The following PTP4A1 variants were observed in gnomAD, a reference collection of about 807,000 sequenced individuals.
The protein encoded by PTP4A1 is protein tyrosine phosphatase type IVA 1.
PTP4A1 carries 9 observed loss-of-function variants against 20.5 expected under a neutral mutation model. The ratio of observed to expected loss-of-function variants is 0.44; its 90% CI spans 0.26 to 0.77. PTP4A1 has a LOEUF of 0.77. Among genes scored for constraint, PTP4A1 ranks in the 30% least tolerant of loss-of-function variants. The pLI is 0.19. For missense variants in PTP4A1, 137 were observed against 218.8 expected (o/e 0.63, Z 2.36); for synonymous variants, 78 against 67.4 (o/e 1.16, Z -0.77).
At chr6:63,523,968 G>A (rs1454132533) in intron 1 of PTP4A1, among the ~76,000 whole-genome samples, 1 of 151,980 alleles carries the variant, frequency 6.6e-6, no homozygotes, top group Non-Finnish European at 1.5e-5. Flanking sequence ...ATATTAAAAA[G>A]GTAGAATTGT....
intron 2 of PTP4A1, among the ~76,000 whole-genome samples, chr6:63,544,063 G>A (rs1235883390): frequency 1.3e-5 from 2 of 152,058 alleles, no homozygotes; most frequent in Admixed American, 1.3e-4. Context: ...TTCATGTAGA[G>A]GAGTTTCCTT....
At chr6:63,528,505 G>T (rs531404269) in intron 2 of PTP4A1, among the ~76,000 whole-genome samples, 118 of 151,914 alleles carry the variant, frequency 7.8e-4, no homozygotes, top group African/African-American at 2.2e-3. Context: ...TGGACAGATC[G>T]CCTGAGCCCA....
chr6:63,525,241 T>TA (rs1775107973), intron 1 of PTP4A1, among the ~76,000 whole-genome samples: 1 of 152,182 alleles, frequency 6.6e-6, no homozygotes, highest in Non-Finnish European at 1.5e-5. Flanking sequence ...TAGTTATTAG[T>TA]ACTCTTTCAG....
intron 2 of PTP4A1, among the ~76,000 whole-genome samples, chr6:63,541,040 AG>A (rs1775950032): frequency 2.0e-5 from 3 of 151,084 alleles, no homozygotes; most frequent in Non-Finnish European, 4.4e-5. Context: ...GAAGGAAGGA[AG>A]GAAGGAAGGA....
chr6:63,524,732 C>A (rs1054618098), intron 1 of PTP4A1, among the ~76,000 whole-genome samples: 1 of 152,094 alleles, frequency 6.6e-6, no homozygotes, highest in African/African-American at 2.4e-5. Flanking sequence ...AAAAAACATA[C>A]AAGTTCATGT....
chr6:63,580,301 A>C lies in PTP4A1; in HGVS notation c.*127A>C. The stretch of plus-strand genomic sequence containing the variant: ...CATAGGAGTATTGAAAGGCAGTTTT[A>C]CCAGGCCTCAAGCTAGACAGATTTG... On this transcript the variant is annotated 3_prime_UTR_variant, in exon 6 of 6. Transcript: ENST00000626021. 1.3e-6 allele frequency: 1 copy of C among 756,428 alleles called. No homozygotes were observed. Among genetic ancestry groups the C allele is most frequent in the East Asian group, 2.5e-5 (1 of 40,300 alleles). 46.9% of individuals were successfully genotyped at this position (756,428 alleles called of 1,614,324 possible).
intron 1 of PTP4A1, among the ~76,000 whole-genome samples, chr6:63,526,738 G>A (rs1260366075): frequency 6.7e-6 from 1 of 148,412 alleles, no homozygotes; most frequent in Admixed American, 6.8e-5. Flanking sequence ...GGCAGAGGCT[G>A]CAGTGAGTCG....
chr6:63,577,483 C>T (rs1184304929), intron 2 of PTP4A1, among the ~76,000 whole-genome samples: 2 of 152,162 alleles, frequency 1.3e-5, no homozygotes, highest in Non-Finnish European at 2.9e-5. Flanking sequence ...TCGGGATGTG[C>T]ACATGTTTTA....
At chr6:63,535,871 G>A (rs2025178) in intron 2 of PTP4A1, among the ~76,000 whole-genome samples, 46,843 of 152,094 alleles carry the variant, frequency 0.31, 7,412 homozygotes, top group Admixed American at 0.39. Context: ...TGTCAACCAG[G>A]CTGCAATTCT....
chr6:63,528,435 T>G (rs903551826), intron 2 of PTP4A1, among the ~76,000 whole-genome samples: 100 of 152,034 alleles, frequency 6.6e-4, no homozygotes, highest in Non-Finnish European at 8.8e-5. Context: ...GTCTTTTTTT[T>G]TTTTTAAGGC....
At chr6:63,517,014 G>T (rs952722252), upstream of PTP4A1, among the ~76,000 whole-genome samples, 1 of 151,872 alleles carries the variant, frequency 6.6e-6, no homozygotes, top group South Asian at 2.1e-4. Context: ...CATTGTTTTG[G>T]GATATTTATT....
At chr6:63,548,743 C>A in intron 2 of PTP4A1, 1 of 681,394 alleles carries the variant, frequency 1.5e-6, no homozygotes, top group South Asian at 1.6e-5. Flanking sequence ...TGAGCCTTTG[C>A]CTTTTCGAGC....
At chr6:63,570,243 A>G (rs1026661933), upstream of PTP4A1, among the ~76,000 whole-genome samples, 2 of 152,194 alleles carry the variant, frequency 1.3e-5, no homozygotes, top group African/African-American at 4.8e-5. Context: ...AGGCAGGAGA[A>G]TTGCTGGAAC....
Position 63,576,451 on chromosome 6 carries a change from C to T in PTP4A1, c.-430C>T. 2.5e-6 allele frequency: 1 copy of T among 399,748 alleles called. No individual in the cohort carries two copies. The highest frequency in any genetic ancestry group is 4.4e-6 in the Non-Finnish European group (1 of 226,708). 24.8% of individuals were successfully genotyped at this position (399,748 alleles called of 1,614,324 possible). ...TTTTAAACAGCAATTCTGTGGTGTTCTTGGTCACACATTTATGGAGTTTCT... is the reference window on the plus strand; with the variant it reads ...TTTTAAACAGCAATTCTGTGGTGTTTTTGGTCACACATTTATGGAGTTTCT... On this transcript the variant is annotated 5_prime_UTR_variant, in exon 2 of 6. Transcript: ENST00000626021.
chr6:63,578,085 C>T (rs1186223543), intron 2 of PTP4A1, among the ~76,000 whole-genome samples: 1 of 152,040 alleles, frequency 6.6e-6, no homozygotes, highest in African/African-American at 2.4e-5. Flanking sequence ...TTACCTTTGT[C>T]TGCATTGCTG....
chr6:63,577,462 T>A (rs1777942872), intron 2 of PTP4A1, among the ~76,000 whole-genome samples: 1 of 152,246 alleles, frequency 6.6e-6, no homozygotes, highest in Admixed American at 6.5e-5. Context: ...AATTGAATGC[T>A]GAATAATATA....
chr6:63,553,533 G>T (rs1457152747), intron 3 of PTP4A1, among the ~76,000 whole-genome samples: 3 of 152,182 alleles, frequency 2.0e-5, no homozygotes, highest in African/African-American at 7.2e-5. Context: ...ATGCAGTATA[G>T]CTATTTTAGT....
At chr6:63,550,875 C>T (rs1776408771) in intron 3 of PTP4A1, among the ~76,000 whole-genome samples, 1 of 152,166 alleles carries the variant, frequency 6.6e-6, no homozygotes, top group African/African-American at 2.4e-5. Flanking sequence ...ATCCGCCTGC[C>T]TCGGCCTCCC....
At position 63,546,414 on chromosome 6, in the gene PTP4A1, T is replaced by A. The variant is rs575744628; in HGVS notation, c.-639-3886T>A. On this transcript the variant is annotated intron_variant, in intron 2 of 3. Coordinates refer to the PTP4A1 transcript ENST00000639568. Reference sequence around the variant, plus strand: ...AAATCAGGAGATGTTGTTTAAAGAGTACAACATTTGGCCGGGTGCGGTGGC... The same window carrying A: ...AAATCAGGAGATGTTGTTTAAAGAGAACAACATTTGGCCGGGTGCGGTGGC... Among the ~76,000 whole-genome samples, 73 of 151,980 alleles carry A rather than the reference T, an allele frequency of 4.8e-4. 1 individual carries two copies. Among genetic ancestry groups the A allele is most frequent in the Non-Finnish European group, 9.0e-4 (61 of 67,914 alleles).
Sources: allele counts gnomAD v4.1 joint callset (sites outside exome capture counted in the v4.1 genomes callset), GRCh38; gene constraint gnomAD v4.1.1; transcripts MANE v1.5; gene names NCBI Gene and HGNC (gene_info 2026-07-23, HGNC 2026-07-21).